The following MYEF2 variants were observed in gnomAD, a reference collection of about 807,000 sequenced individuals.
MYEF2 encodes myelin gene expression factor 2.
A neutral mutation model predicts 75.2 loss-of-function variants in MYEF2; 37 were observed. The observed-to-expected ratio is 0.49, with a 90% CI of 0.38 to 0.65. The LOEUF (loss-of-function observed/expected upper bound fraction) is 0.65. Ranked by LOEUF, MYEF2 falls within the 30% of genes least tolerant of loss-of-function variation. The probability of loss-of-function intolerance (pLI) is 0.00; values close to 1 mark genes in which losing one functional copy is unlikely to be tolerated. For missense variants in MYEF2, 634 were observed against 771.4 expected (o/e 0.82, Z 2.11); for synonymous variants, 195 against 241.6 (o/e 0.81, Z 1.79).
At chr15:48,153,139 C>T (rs1423885240) in intron 10 of MYEF2, 1 of 152,070 alleles carries the variant, frequency 6.6e-6, no homozygotes, top group Non-Finnish European at 1.5e-5. Flanking sequence ...AACAATGCCA[C>T]TCTCCTCACC....
rs573940708 is a variant in MYEF2 at position 48,141,812 on chromosome 15, T to C, written c.*1096A>G. ...ATAAGCTATATACCTTATTGAAAAATGGTTTAATAAATATAATTATTAAAT... is the reference window on the plus strand; with the variant it reads ...ATAAGCTATATACCTTATTGAAAAACGGTTTAATAAATATAATTATTAAAT... On this transcript the variant is annotated 3_prime_UTR_variant, in exon 17 of 17. Transcript: ENST00000324324. 11 of 330,152 alleles carry C rather than the reference T, an allele frequency of 3.3e-5. No individual in the cohort carries two copies. Among genetic ancestry groups the C allele is most frequent in the African/African-American group, 2.3e-4 (11 of 46,958 alleles). 20.5% of individuals were successfully genotyped at this position (330,152 alleles called of 1,614,324 possible).
rs2040121028 is a variant in MYEF2 at position 48,166,046 on chromosome 15, A to G, written c.432-20T>C. On this transcript the variant is annotated intron_variant, in intron 4 of 16. Coordinates refer to ENST00000324324, the MANE Select transcript of MYEF2 (RefSeq NM_016132.5). The stretch of plus-strand genomic sequence containing the variant: ...ACCACACTTAATAGGGAAAAAATTT[A>G]TAGGAAATGTTTATGTGCTAATTTT... The G allele has an allele frequency of 6.4e-7, 1 of 1,571,740 alleles. No homozygotes were observed. The highest frequency in any genetic ancestry group is 8.6e-7 in the Non-Finnish European group (1 of 1,157,466).
chr15:48,160,486 T>TACATACACATACAC, intron 5 of MYEF2, among the ~76,000 whole-genome samples: 1 of 139,312 alleles, frequency 7.2e-6, no homozygotes, highest in African/African-American at 2.6e-5. Context: ...AAACCAAACA[T>TACATACACATACAC]ACACACACAC....
Position 48,137,024 on chromosome 15 carries a change from A to G in MYEF2, c.*5884T>C, listed in dbSNP as rs1181349886. Reference sequence around the variant, plus strand: ...CGCAAAGGAAAAACTTTAAAATTTCATTTCAATTCAGCAAGTATTGTGTGC... The same window carrying G: ...CGCAAAGGAAAAACTTTAAAATTTCGTTTCAATTCAGCAAGTATTGTGTGC... On this transcript the variant is annotated 3_prime_UTR_variant, in exon 17 of 17. Transcript: ENST00000324324. The G allele has an allele frequency of 2.0e-6, 3 of 1,497,896 alleles. No individual in the cohort carries two copies. Among genetic ancestry groups the G allele is most frequent in the Non-Finnish European group, 2.7e-6 (3 of 1,115,028 alleles). 92.8% of individuals were successfully genotyped at this position (1,497,896 alleles called of 1,614,324 possible). A position where few individuals can be genotyped will look rare whatever the true frequency, so the allele number is the denominator to read the frequency against.
At chr15:48,175,397 A>G (rs1347002718) in intron 1 of MYEF2, among the ~76,000 whole-genome samples, 4 of 152,204 alleles carry the variant, frequency 2.6e-5, no homozygotes, top group Admixed American at 1.3e-4. Context: ...GGTACAGTAT[A>G]GTGACTATAC....
chr15:48,152,161 A>G, intron 11 of MYEF2, 73 bp downstream of exon 11: 1 of 1,414,474 alleles, frequency 7.1e-7, no homozygotes, highest in Non-Finnish European at 9.9e-7. Flanking sequence ...TTTTTCATGG[A>G]ATTCTCAACA....
intron 2 of MYEF2, 30 bp downstream of exon 2, chr15:48,168,601 C>A (rs750255267): frequency 3.2e-6 from 5 of 1,566,496 alleles, no homozygotes; most frequent in Non-Finnish European, 4.4e-6. Context: ...TGAAGATTAT[C>A]CAACAGTGGG....
At chr15:48,148,974 A>C in intron 16 of MYEF2, 58 bp downstream of exon 16, 1 of 1,583,972 alleles carries the variant, frequency 6.3e-7, no homozygotes, top group Non-Finnish European at 8.7e-7. Context: ...ATAAAAGTTT[A>C]AAACCAATTT....
At chr15:48,145,000 T>C (rs2039225896) in intron 16 of MYEF2, among the ~76,000 whole-genome samples, 1 of 151,914 alleles carries the variant, frequency 6.6e-6, no homozygotes, top group Non-Finnish European at 1.5e-5. Context: ...TGTCTCTCGA[T>C]CTTTCAGGAC....
chr15:48,154,089 G>T, intron 9 of MYEF2, 196 bp from the exon 10 acceptor site: 3 of 483,662 alleles, frequency 6.2e-6, no homozygotes, highest in Non-Finnish European at 1.1e-5. Flanking sequence ...TTATTAATGA[G>T]AAGTGTTTTA....
Position 48,165,876 on chromosome 15 carries a change from C to A in MYEF2, c.525+57G>T. On this transcript the variant is annotated intron_variant, in intron 5 of 16. Coordinates refer to ENST00000324324, the MANE Select transcript of MYEF2 (RefSeq NM_016132.5). ...CAAATATATTACCAAATTGAAAATC[C>A]AAGGAAAACATGTCTTTATAGTCAA... is the stretch of plus-strand genomic sequence containing the variant. 4 of 1,273,766 alleles carry A rather than the reference C, an allele frequency of 3.1e-6. No homozygotes were observed. The South Asian group carries it at 4.4e-5, about 14-fold the overall frequency. 78.9% of individuals were successfully genotyped at this position (1,273,766 alleles called of 1,614,324 possible).
At chr15:48,176,813 A>C (rs1421326186) in intron 1 of MYEF2, among the ~76,000 whole-genome samples, 1 of 152,176 alleles carries the variant, frequency 6.6e-6, no homozygotes, top group Non-Finnish European at 1.5e-5. Flanking sequence ...CTGGTTCCTC[A>C]ATTACTGAGG....
At position 48,168,975 on chromosome 15, in the gene MYEF2, G is replaced by A; in HGVS notation, c.162-136C>T. 7 of 661,934 alleles carry A rather than the reference G, an allele frequency of 1.1e-5. No homozygotes were observed. The South Asian group carries it at 1.4e-4, about 13-fold the overall frequency. 41.0% of individuals were successfully genotyped at this position (661,934 alleles called of 1,614,324 possible). A position where few individuals can be genotyped will look rare whatever the true frequency, so the allele number is the denominator to read the frequency against. On this transcript the variant is annotated intron_variant, in intron 1 of 16. Transcript: ENST00000324324. ...AAGCTAGACCTCAGCAAAGTAGCTGGAGAATCAGCCTGAGAGCTTTGAAAT... is the reference window on the plus strand; with the variant it reads ...AAGCTAGACCTCAGCAAAGTAGCTGAAGAATCAGCCTGAGAGCTTTGAAAT...
In MYEF2 at chr15:48,142,159, A is replaced by C. The variant is rs532514419; in HGVS notation, c.*749T>G. The C allele has an allele frequency of 3.7e-6, 6 of 1,613,902 alleles. No individual in the cohort carries two copies. The East Asian group carries it at 1.3e-4, about 36-fold the overall frequency. ...CTCCTGCAGAAGTAAACAGCAGAGG[A>C]CTAACTTACATAACCATCTCTCTCA... is the stretch of plus-strand genomic sequence containing the variant. On this transcript the variant is annotated 3_prime_UTR_variant, in exon 17 of 17. Transcript: ENST00000324324.
At chr15:48,171,021 G>A (rs1182250352) in intron 1 of MYEF2, among the ~76,000 whole-genome samples, 1 of 152,144 alleles carries the variant, frequency 6.6e-6, no homozygotes, top group Non-Finnish European at 1.5e-5. Flanking sequence ...GAAATGGCAT[G>A]GCCTAGGGGG....
In MYEF2 at chr15:48,135,016, TAGAG is replaced by T; in HGVS notation, c.*7888_*7891del. 1 of 1,521,716 alleles carries T rather than the reference TAGAG, an allele frequency of 6.6e-7. No homozygotes were observed. The highest frequency in any genetic ancestry group is 9.0e-7 in the Non-Finnish European group (1 of 1,109,666). 94.3% of individuals were successfully genotyped at this position (1,521,716 alleles called of 1,614,324 possible). A position where few individuals can be genotyped will look rare whatever the true frequency, so the allele number is the denominator to read the frequency against. On this transcript the variant is annotated 3_prime_UTR_variant, in exon 17 of 17. Transcript: ENST00000324324. ...TTGAAAATAATTCTTATGTAAAAAT[TAGAG>T]ATTTTATGAATTTCTGATGGTTCAG...
At position 48,143,031 on chromosome 15, in the gene MYEF2, C is replaced by T. The variant is rs2039141023; in HGVS notation, c.1680G>A (p.Lys560=). Residue 560 remains lysine (K), a synonymous_variant, in exon 17 of 17, where the codon AAG becomes AAA. Coordinates refer to ENST00000324324, the MANE Select transcript of MYEF2 (RefSeq NM_016132.5). ...ATCTGACTGTTCCACAGCCTTTTGA[C>T]TTTCCATTCTCCATTTTTATTTCTG... is the stretch of plus-strand genomic sequence containing the variant. ...MFAEIKMENG[K]SKGCGTVRFD... The T allele has an allele frequency of 8.2e-6, 13 of 1,581,176 alleles. No homozygotes were observed. Among genetic ancestry groups the T allele is most frequent in the Non-Finnish European group, 1.0e-5 (12 of 1,166,862 alleles).
chr15:48,165,329 G>A (rs2040095910), intron 5 of MYEF2, among the ~76,000 whole-genome samples: 1 of 152,028 alleles, frequency 6.6e-6, no homozygotes, highest in African/African-American at 2.4e-5. Context: ...CATTCTCAAG[G>A]TTAAACTGTA....
At chr15:48,174,334 T>A (rs1052123899) in intron 1 of MYEF2, among the ~76,000 whole-genome samples, 1 of 149,950 alleles carries the variant, frequency 6.7e-6, no homozygotes, top group African/African-American at 2.4e-5. Context: ...CCTAAAACCA[T>A]GGAACTCCTA....
Sources: gnomAD v4.1 joint callset for allele counts (sites outside exome capture counted in the v4.1 genomes callset) on GRCh38, gnomAD v4.1.1 for gene constraint, MANE v1.5 for transcripts, NCBI Gene and HGNC (gene_info 2026-07-23, HGNC 2026-07-21) for gene names.